Variants in RAB26 observed in about 807,000 individuals in gnomAD.
The protein encoded by RAB26 is RAB26, member RAS oncogene family, also known as ras-related protein Rab-26.
Under a neutral mutation model 33.1 loss-of-function variants are expected in RAB26, and 39 were observed. That is an observed-to-expected ratio of 1.18 (90% CI 0.91 to 1.54). The LOEUF (loss-of-function observed/expected upper bound fraction) is 1.54, where lower values mean the gene tolerates loss of function less well. RAB26 is among the 40% of genes most tolerant of loss of function. RAB26 has a pLI of 0.00. For missense variants in RAB26, 468 were observed against 362.9 expected, an observed-to-expected ratio of 1.29 and a Z score of -2.35; for synonymous variants, 192 against 151.9, an observed-to-expected ratio of 1.26 and a Z score of -1.94.
rs759110308 is a variant in RAB26, at chr16:2,153,440, C to A, written c.*19C>A. 1.2e-6 allele frequency: 2 copies of A among 1,611,124 alleles called. No homozygotes were observed. Among genetic ancestry groups the A allele is most frequent in the South Asian group, 2.2e-5 (2 of 91,010 alleles). ...CCCTTGAACCTGGCTGAGCTCAGTC[C>A]TCTGGAGGAAGCCGTCCAGTCCCTA... On this transcript the variant is annotated 3_prime_UTR_variant, in exon 9 of 9. Coordinates refer to ENST00000210187, the MANE Select transcript of RAB26 (RefSeq NM_014353.5).
Position 2,153,584 on chromosome 16 carries a change from T to C in RAB26, c.*163T>C. On this transcript the variant is annotated 3_prime_UTR_variant, in exon 9 of 9. Coordinates refer to ENST00000210187, the MANE Select transcript of RAB26 (RefSeq NM_014353.5). ...TGTCCCTTCCTCCTCCCAGCAACAG[T>C]CCCAACAAGCAGGCTTCTGAGAGCC... 1.5e-6 allele frequency: 1 copy of C among 687,374 alleles called. No homozygotes were observed. The highest frequency in any genetic ancestry group is 2.5e-6 in the Non-Finnish European group (1 of 396,732). 42.6% of individuals were successfully genotyped at this position (687,374 alleles called of 1,614,324 possible). A position where few individuals can be genotyped will look rare whatever the true frequency, so the allele number is the denominator to read the frequency against.
rs1419362766 is a variant in RAB26 at position 2,153,179 on chromosome 16, A to G, written c.625A>G (p.Lys209Glu). The G allele has an allele frequency of 4.3e-6, 7 of 1,613,822 alleles. No homozygotes were observed. The highest frequency in any genetic ancestry group is 5.9e-6 in the Non-Finnish European group (7 of 1,180,006). The change falls in exon 8 of 9, where the codon AAG becomes GAG. Residue 209 changes from lysine (K) to glutamate (E), a missense_variant. Coordinates refer to ENST00000210187, the MANE Select transcript of RAB26 (RefSeq NM_014353.5). ...ACTGCCCTTCATGGAGACCAGCGCC[A>G]AGACGGGCCTCAACGTGGACTTGGC... ...YGLPFMETSA[K>E]TGLNVDLAFT... is the part of the protein sequence containing the mutation.
intron 4 of RAB26, 32 bp from the exon 5 acceptor site, chr16:2,151,824 T>C (rs1304633735): frequency 2.5e-6 from 4 of 1,613,982 alleles, no homozygotes; most frequent in Admixed American, 1.7e-5. Context: ...GTGCAGGTGA[T>C]GGTGGATGTC....
rs961781956 is a variant in RAB26 at position 2,151,686 on chromosome 16, T to C, written c.349-9T>C. 1 of 1,613,878 alleles carries C rather than the reference T, an allele frequency of 6.2e-7. No homozygotes were observed. The highest frequency in any genetic ancestry group is 1.3e-5 in the African/African-American group (1 of 74,948). The stretch of plus-strand genomic sequence containing the variant: ...GGCTGGACAGCCTGACCAGTGCCTG[T>C]CGCTGCAGATGTGGGACACAGCTGG... On this transcript the variant is annotated splice_polypyrimidine_tract_variant and intron_variant, in intron 3 of 8. Coordinates refer to ENST00000210187, the MANE Select transcript of RAB26 (RefSeq NM_014353.5).
In RAB26 at chr16:2,151,737, C is replaced by T. The variant is rs2093005716; in HGVS notation, c.391C>T (p.His131Tyr). Residue 131 changes from histidine (H) to tyrosine (Y), a missense_variant, in exon 4 of 9, where the codon CAT (histidine) becomes TAT (tyrosine). His to Tyr is a moderately conservative substitution (Grantham distance 83). Coordinates refer to ENST00000210187, the MANE Select transcript of RAB26 (RefSeq NM_014353.5). ...TCAGGAGCGGTTCCGCAGTGTTACC[C>T]ATGCCTACTACCGGGATGCTCATGG... ...AGQERFRSVT[H>Y]AYYRDAHALL... is the part of the protein sequence containing the mutation. 2 of 1,613,988 alleles carry T rather than the reference C, an allele frequency of 1.2e-6. No individual in the cohort carries two copies. The highest frequency in any genetic ancestry group is 1.7e-6 in the Non-Finnish European group (2 of 1,180,020).
rs1476147010 is a variant in RAB26, at chr16:2,153,885, T to A, written c.*464T>A. ...GCATCTGTGTGTCCTGGGAGCTGCC[T>A]GCTCCCGGCCCACCCTCTAGGAGGC... On this transcript the variant is annotated 3_prime_UTR_variant, in exon 9 of 9. Transcript: ENST00000210187. 2.2e-6 allele frequency: 1 copy of A among 456,684 alleles called. No homozygotes were observed. Among genetic ancestry groups the A allele is most frequent in the South Asian group, 1.5e-5 (1 of 64,552 alleles). The allele number at this position is 456,684 out of a possible 1,614,324, so 28.3% of individuals were successfully genotyped here. A position where few individuals can be genotyped will look rare whatever the true frequency, so the allele number is the denominator to read the frequency against.
In RAB26 at chr16:2,152,843, G is replaced by A. The variant is rs750879310; in HGVS notation, c.492G>A (p.Glu164=). Residue 164 remains glutamate (E), a synonymous_variant, in exon 6 of 9, where the codon GAG becomes GAA. Coordinates refer to ENST00000210187, the MANE Select transcript of RAB26 (RefSeq NM_014353.5). Reference sequence around the variant, plus strand: ...AGGCCTGGCTGACCGAGATCCACGAGTACGCCCAGCACGACGTGGCGCTCA... The same window carrying A: ...AGGCCTGGCTGACCGAGATCCACGAATACGCCCAGCACGACGTGGCGCTCA... ...NIQAWLTEIH[E]YAQHDVALML... The A allele has an allele frequency of 1.4e-5, 22 of 1,608,118 alleles. No individual in the cohort carries two copies. The highest frequency in any genetic ancestry group is 1.8e-5 in the Non-Finnish European group (21 of 1,178,156).
At chr16:2,151,336 A>T (rs776163269) in intron 2 of RAB26, 5 of 626,314 alleles carry the variant, frequency 8.0e-6, no homozygotes, top group Non-Finnish European at 1.4e-5. Context: ...TGGTGGGGTC[A>T]TGAGTTCAAA....
rs1195556407 is a variant in RAB26, at chr16:2,153,492, C to T, written c.*71C>T. Reference sequence around the variant, plus strand: ...AAGGCTGGACAGAGGGTCTCCAGGCCCTTCTGACTTTGTTGCCCAGTGGCC... The same window carrying T: ...AAGGCTGGACAGAGGGTCTCCAGGCTCTTCTGACTTTGTTGCCCAGTGGCC... On this transcript the variant is annotated 3_prime_UTR_variant, in exon 9 of 9. Coordinates refer to ENST00000210187, the MANE Select transcript of RAB26 (RefSeq NM_014353.5). The T allele has an allele frequency of 4.1e-6, 6 of 1,456,148 alleles. No homozygotes were observed. The East Asian group carries it at 7.0e-5, about 17-fold the overall frequency. 90.2% of individuals were successfully genotyped at this position (1,456,148 alleles called of 1,614,324 possible). A position where few individuals can be genotyped will look rare whatever the true frequency, so the allele number is the denominator to read the frequency against.
chr16:2,153,008 G>T lies in RAB26; in HGVS notation c.554G>T (p.Arg185Leu), dbSNP rs199749223. The T allele has an allele frequency of 6.3e-7, 1 of 1,596,758 alleles. No individual in the cohort carries two copies. The part of the protein sequence containing the change: ...LGNKVDSAHE[R>L]VVKREDGEKL... ...GGCCAGGTGGACTCTGCCCATGAGCGTGTGGTGAAGAGGGAGGACGGGGAG... is the reference window on the plus strand; with the variant it reads ...GGCCAGGTGGACTCTGCCCATGAGCTTGTGGTGAAGAGGGAGGACGGGGAG... The change falls in exon 7 of 9, where the codon CGT becomes CTT. Residue 185 changes from arginine to leucine, a missense_variant. Physicochemically the swap from Arg to Leu is moderately radical, Grantham distance 102. Transcript: ENST00000210187.
chr16:2,154,061 T>C lies in RAB26; in HGVS notation c.*640T>C, dbSNP rs750245485. The C allele has an allele frequency of 1.7e-5, 6 of 344,270 alleles. No homozygotes were observed. Among genetic ancestry groups the C allele is most frequent in the Non-Finnish European group, 3.5e-5 (6 of 173,054 alleles). The allele number at this position is 344,270 out of a possible 1,614,324, so 21.3% of individuals were successfully genotyped here. Reference sequence around the variant, plus strand: ...TGAGGTCTGTGATTTCCGAGCACGCTCCACCTTGCACTCAACTTGGCCTTT... The same window carrying C: ...TGAGGTCTGTGATTTCCGAGCACGCCCCACCTTGCACTCAACTTGGCCTTT... On this transcript the variant is annotated 3_prime_UTR_variant, in exon 9 of 9. Coordinates refer to ENST00000210187, the MANE Select transcript of RAB26 (RefSeq NM_014353.5).
At chr16:2,151,117 TA>T (rs1567239490) in intron 2 of RAB26, 1 of 424,554 alleles carries the variant, frequency 2.4e-6, no homozygotes, top group Admixed American at 2.8e-5. Context: ...TTTAATTTTT[TA>T]TTCTTTTGAA....
At position 2,153,497 on chromosome 16, in the gene RAB26, T is replaced by C. The variant is rs1596659651; in HGVS notation, c.*76T>C. On this transcript the variant is annotated 3_prime_UTR_variant, in exon 9 of 9. Coordinates refer to ENST00000210187, the MANE Select transcript of RAB26 (RefSeq NM_014353.5). ...TGGACAGAGGGTCTCCAGGCCCTTCTGACTTTGTTGCCCAGTGGCCAACGC... is the reference window on the plus strand; with the variant it reads ...TGGACAGAGGGTCTCCAGGCCCTTCCGACTTTGTTGCCCAGTGGCCAACGC... 7.1e-7 allele frequency: 1 copy of C among 1,408,958 alleles called. No homozygotes were observed. Among genetic ancestry groups the C allele is most frequent in the African/African-American group, 1.4e-5 (1 of 69,964 alleles). 87.3% of individuals were successfully genotyped at this position (1,408,958 alleles called of 1,614,324 possible).
Position 2,152,852 on chromosome 16 carries a change from G to C in RAB26, c.501G>C (p.Gln167His). 1 of 1,608,360 alleles carries C rather than the reference G, an allele frequency of 6.2e-7. No homozygotes were observed. The highest frequency in any genetic ancestry group is 2.2e-5 in the East Asian group (1 of 44,806). Residue 167 changes from glutamine (Q) to histidine (H), a missense_variant, in exon 6 of 9, where the codon CAG (glutamine) becomes CAC (histidine). By Grantham distance (24) the Gln-to-His change is conservative (BLOSUM62 0). Coordinates refer to ENST00000210187, the MANE Select transcript of RAB26 (RefSeq NM_014353.5). ...TGACCGAGATCCACGAGTACGCCCA[G>C]CACGACGTGGCGCTCATGCTGCTGG... is the stretch of plus-strand genomic sequence containing the variant. ...AWLTEIHEYAQHDVALMLLGN... is the reference protein window; with the variant it reads ...AWLTEIHEYAHHDVALMLLGN...
Position 2,153,522 on chromosome 16 carries a change from C to T in RAB26, c.*101C>T. On this transcript the variant is annotated 3_prime_UTR_variant, in exon 9 of 9. Transcript: ENST00000210187. The stretch of plus-strand genomic sequence containing the variant: ...TGACTTTGTTGCCCAGTGGCCAACG[C>T]CCGAGTGTCTGTTTTCAGGAGCCCC... 1 of 1,088,400 alleles carries T rather than the reference C, an allele frequency of 9.2e-7. No homozygotes were observed. Among genetic ancestry groups the T allele is most frequent in the Non-Finnish European group, 1.3e-6 (1 of 743,586 alleles). 67.4% of individuals were successfully genotyped at this position (1,088,400 alleles called of 1,614,324 possible).
rs1210117771 is a variant in RAB26 at position 2,153,529 on chromosome 16, GTC to G, written c.*110_*111del. The stretch of plus-strand genomic sequence containing the variant: ...GTTGCCCAGTGGCCAACGCCCGAGT[GTC>G]TGTTTTCAGGAGCCCCAGGTCAAGC... On this transcript the variant is annotated 3_prime_UTR_variant, in exon 9 of 9. Coordinates refer to ENST00000210187, the MANE Select transcript of RAB26 (RefSeq NM_014353.5). The G allele has an allele frequency of 7.7e-6, 8 of 1,040,244 alleles. No homozygotes were observed. Among genetic ancestry groups the G allele is most frequent in the African/African-American group, 3.2e-5 (2 of 62,674 alleles). 64.4% of individuals were successfully genotyped at this position (1,040,244 alleles called of 1,614,324 possible). A position where few individuals can be genotyped will look rare whatever the true frequency, so the allele number is the denominator to read the frequency against.
At position 2,151,842 on chromosome 16, in the gene RAB26, C is replaced by T. The variant is rs775660402; in HGVS notation, c.416-14C>T. On this transcript the variant is annotated splice_polypyrimidine_tract_variant and intron_variant, in intron 4 of 8. Coordinates refer to ENST00000210187, the MANE Select transcript of RAB26 (RefSeq NM_014353.5). ...CAGGTGATGGTGGATGTCCTCACTG[C>T]CCTCTGTCCCCAGCTCTGCTGCTGC... 9 of 1,614,080 alleles carry T rather than the reference C, an allele frequency of 5.6e-6. No homozygotes were observed. Among genetic ancestry groups the T allele is most frequent in the East Asian group, 2.2e-5 (1 of 44,884 alleles).
In RAB26 at chr16:2,151,943, G is replaced by A. The variant is rs768604161; in HGVS notation, c.468+35G>A. The A allele has an allele frequency of 6.8e-6, 11 of 1,612,574 alleles. No individual in the cohort carries two copies. The Admixed American group carries it at 1.7e-4, about 24-fold the overall frequency. On this transcript the variant is annotated intron_variant, in intron 5 of 8. Transcript: ENST00000210187. ...TTTCCTGGTGGGGTGAAAGGGCCCT[G>A]ATAGGGCCTGACCCATCCCAACCTC...
rs2092995639 is a variant in RAB26 at position 2,148,969 on chromosome 16, C to T, written c.186C>T (p.Val62=). The T allele has an allele frequency of 7.8e-7, 1 of 1,278,774 alleles. No individual in the cohort carries two copies. The highest frequency in any genetic ancestry group is 1.5e-5 in the African/African-American group (1 of 65,000). 79.2% of individuals were successfully genotyped at this position (1,278,774 alleles called of 1,614,324 possible). The part of the protein sequence containing the change: ...SLGGGVDFYD[V]AFKVMLVGDS... ...GCGGCGGTGTCGACTTCTACGACGT[C>T]GCCTTCAAGGTGAGCCAGGCACCCG... Residue 62 remains valine (V), a synonymous_variant, in exon 1 of 9, where the codon GTC becomes GTT. Coordinates refer to ENST00000210187, the MANE Select transcript of RAB26 (RefSeq NM_014353.5).
Sources: gnomAD v4.1 joint callset for allele counts on GRCh38, gnomAD v4.1.1 for gene constraint, MANE v1.5 for transcripts, NCBI Gene and HGNC (gene_info 2026-07-23, HGNC 2026-07-21) for gene names.